Variants in BTRC observed in about 807,000 individuals in gnomAD.
BTRC encodes F-box/WD repeat-containing protein 1A.
A neutral mutation model predicts 85.5 loss-of-function variants in BTRC; 42 were observed. That is an observed-to-expected ratio of 0.49 (90% CI 0.38 to 0.64). The LOEUF is 0.64. BTRC is among the 30% of genes least tolerant of loss of function. The pLI is 0.00. For synonymous variants in BTRC, 255 were observed against 263.3 expected (o/e 0.97, Z 0.30); for missense variants, 594 against 743.5 (o/e 0.80, Z 2.34).
At chr10:101,455,056 G>A (rs1336530614) in intron 2 of BTRC, among the ~76,000 whole-genome samples, 2 of 149,508 alleles carry the variant, frequency 1.3e-5, no homozygotes, top group African/African-American at 4.9e-5. Context: ...TTCAATCCAA[G>A]AAACTTTTTT....
intron 1 of BTRC, among the ~76,000 whole-genome samples, chr10:101,428,366 TAAC>T (rs1466235939): frequency 2.0e-5 from 3 of 152,220 alleles, no homozygotes; most frequent in Non-Finnish European, 4.4e-5. Flanking sequence ...AGTGACATGA[TAAC>T]AAAGTGAAGA....
chr10:101,393,086 A>G (rs1589416330), intron 1 of BTRC, among the ~76,000 whole-genome samples: 1 of 151,738 alleles, frequency 6.6e-6, no homozygotes, highest in Non-Finnish European at 1.5e-5. Flanking sequence ...CCCACCTCAT[A>G]CCCTCGTGGG....
chr10:101,483,972 C>A (rs1381785458), intron 4 of BTRC, among the ~76,000 whole-genome samples: 1 of 152,084 alleles, frequency 6.6e-6, no homozygotes, highest in African/African-American at 2.4e-5. Context: ...GTTTTTTTCC[C>A]TAATTTACCC....
At chr10:101,476,925 C>A (rs1039220144) in intron 3 of BTRC, among the ~76,000 whole-genome samples, 5 of 152,004 alleles carry the variant, frequency 3.3e-5, no homozygotes, top group African/African-American at 1.2e-4. Flanking sequence ...TCAACTGGGG[C>A]CTTGTTAAAA....
chr10:101,511,649 G>A (rs906216658), intron 4 of BTRC, among the ~76,000 whole-genome samples: 1 of 152,060 alleles, frequency 6.6e-6, no homozygotes, highest in African/African-American at 2.4e-5. Context: ...TCTGCCTCCC[G>A]GGTTCAAGCG....
intron 13 of BTRC, among the ~76,000 whole-genome samples, chr10:101,543,233 CT>C (rs764748530): frequency 6.6e-6 from 1 of 152,126 alleles, no homozygotes; most frequent in East Asian, 1.9e-4. Context: ...GGATTTTTGT[CT>C]TAGTGATTAA....
In BTRC at chr10:101,521,871, G is replaced by T; in HGVS notation, c.556+1G>T. Reference sequence around the variant, plus strand: ...AGAGATTTCATAACTGCTCTGCCAGGTATGTCTACAAGTGTTTGTAAACCA... The same window carrying T: ...AGAGATTTCATAACTGCTCTGCCAGTTATGTCTACAAGTGTTTGTAAACCA... On this transcript the variant is annotated splice_donor_variant, in intron 5 of 14. Coordinates refer to ENST00000370187, the MANE Select transcript of BTRC (RefSeq NM_033637.4). LOFTEE classifies it high-confidence loss of function. 6.3e-7 allele frequency: 1 copy of T among 1,598,038 alleles called. No homozygotes were observed. The highest frequency in any genetic ancestry group is 8.6e-7 in the Non-Finnish European group (1 of 1,165,632).
chr10:101,366,820 T>C (rs12218007), intron 1 of BTRC, among the ~76,000 whole-genome samples: 1 of 52,726 alleles, frequency 1.9e-5, no homozygotes, highest in South Asian at 4.1e-4. Flanking sequence ...TTATATATAT[T>C]AATATATATT....
At chr10:101,386,069 C>T (rs1564741119) in intron 1 of BTRC, among the ~76,000 whole-genome samples, 1 of 152,072 alleles carries the variant, frequency 6.6e-6, no homozygotes, top group Non-Finnish European at 1.5e-5. Flanking sequence ...CCAGAACATC[C>T]TGTTCTCATT....
rs570915260 is a variant in BTRC, at chr10:101,380,521, G to A, written c.48+26293G>A. ...GGTACTCCTCACTTCCCAGACGGTG[G>A]GGCGGCTGGGCAGAGGCACTCCCCA... On this transcript the variant is annotated intron_variant, in intron 1 of 14. Coordinates refer to ENST00000370187, the MANE Select transcript of BTRC (RefSeq NM_033637.4). Among the ~76,000 whole-genome samples the A allele has an allele frequency of 5.3e-5, 8 of 152,160 alleles. No homozygotes were observed. In the South Asian group the frequency reaches 1.7e-3, roughly 32 times the overall value.
intron 4 of BTRC, 70 bp from the exon 5 acceptor site, chr10:101,521,569 A>T: frequency 1.7e-6 from 2 of 1,143,206 alleles, no homozygotes; most frequent in Non-Finnish European, 2.5e-6. Flanking sequence ...ATGCCATACC[A>T]GAAAATCATA....
intron 1 of BTRC, among the ~76,000 whole-genome samples, chr10:101,401,967 G>C (rs549395985): frequency 1.3e-5 from 2 of 152,210 alleles, no homozygotes; most frequent in South Asian, 2.1e-4. Context: ...TTATGCTCTG[G>C]AGTTCTTACC....
rs1237244242 is a variant in BTRC, at chr10:101,439,489, G to A, written c.156+9037G>A. ...TACTATGAAGAAAAGATTTAAAGTT[G>A]CAGTATCGTTGCACATTCCTTGTAT... On this transcript the variant is annotated intron_variant, in intron 2 of 14. Transcript: ENST00000370187. 2.0e-5 allele frequency among the ~76,000 whole-genome samples: 3 copies of A among 152,192 alleles called. No homozygotes were observed. The East Asian group carries it at 5.8e-4, about 29-fold the overall frequency.
intron 1 of BTRC, among the ~76,000 whole-genome samples, chr10:101,382,130 C>T (rs940186070): frequency 2.0e-5 from 3 of 151,416 alleles, no homozygotes; most frequent in Non-Finnish European, 4.4e-5. Flanking sequence ...TTACAGGCAC[C>T]TGCCACCACG....
At chr10:101,385,846 T>TA (rs1943065312) in intron 1 of BTRC, among the ~76,000 whole-genome samples, 1 of 151,836 alleles carries the variant, frequency 6.6e-6, no homozygotes, top group South Asian at 2.1e-4. Flanking sequence ...TTTTGATTCT[T>TA]GCATAGTATA....
intron 3 of BTRC, among the ~76,000 whole-genome samples, chr10:101,463,287 G>T (rs1444125665): frequency 6.6e-6 from 1 of 151,860 alleles, no homozygotes; most frequent in Non-Finnish European, 1.5e-5. Flanking sequence ...CTTGTGATCT[G>T]CCCACCTAAG....
intron 3 of BTRC, among the ~76,000 whole-genome samples, chr10:101,475,953 A>ATATATATATATATATATATG: frequency 7.5e-6 from 1 of 133,820 alleles, no homozygotes; most frequent in Non-Finnish European, 1.6e-5. Context: ...ATATATATAT[A>ATATATATATATATATATATG]TTCAGTAATT....
Position 101,556,415 on chromosome 10 carries a change from A to G in BTRC, c.*3292A>G, listed in dbSNP as rs2062724721. 6.6e-6 allele frequency: 1 copy of G among 152,218 alleles called. No homozygotes were observed. The highest frequency in any genetic ancestry group is 1.5e-5 in the Non-Finnish European group (1 of 68,052). 9.4% of individuals were successfully genotyped at this position (152,218 alleles called of 1,614,324 possible). ...TTTTTTTCTTTCCCATAATTGGACT[A>G]GATACCTTGGTACTGTTGACCTTCT... On this transcript the variant is annotated 3_prime_UTR_variant, in exon 15 of 15. Coordinates refer to ENST00000370187, the MANE Select transcript of BTRC (RefSeq NM_033637.4).
intron 4 of BTRC, among the ~76,000 whole-genome samples, chr10:101,496,793 T>A (rs1946273359): frequency 6.6e-6 from 1 of 152,176 alleles, no homozygotes; most frequent in Non-Finnish European, 1.5e-5. Context: ...GTTTTATGTA[T>A]TTTTCTTAAA....
Sources: gnomAD v4.1 joint callset for allele counts (sites outside exome capture counted in the v4.1 genomes callset) on GRCh38, gnomAD v4.1.1 for gene constraint, MANE v1.5 for transcripts, NCBI Gene and HGNC (gene_info 2026-07-23, HGNC 2026-07-21) for gene names.